The following ADAM18 variants were observed in gnomAD, a reference collection of about 807,000 sequenced individuals.
ADAM18 encodes ADAM metallopeptidase domain 18.
In ADAM18, 117 loss-of-function variants were observed where a neutral mutation model predicts 94.4. That is an observed-to-expected ratio of 1.24 (90% CI 1.07 to 1.45). The LOEUF (loss-of-function observed/expected upper bound fraction) is 1.45, where lower values mean the gene tolerates loss of function less well. ADAM18 is among the 40% of genes most tolerant of loss of function. The pLI, the probability that ADAM18 is intolerant of heterozygous loss-of-function variation, is 0.00. For synonymous variants in ADAM18, 327 were observed against 291.6 expected (o/e 1.12, Z -1.24); for missense variants, 936 against 880.0 (o/e 1.06, Z -0.81).
chr8:39,621,935 T>G (rs528711950), intron 6 of ADAM18, among the ~76,000 whole-genome samples: 11 of 152,172 alleles, frequency 7.2e-5, no homozygotes, highest in African/African-American at 2.6e-4. Context: ...GGGTGGAGGA[T>G]GAGAAGAGGA....
intron 17 of ADAM18, among the ~76,000 whole-genome samples, chr8:39,698,405 T>C (rs943699578): frequency 6.6e-6 from 1 of 152,000 alleles, no homozygotes; most frequent in African/African-American, 2.4e-5. Context: ...ATATAATTTG[T>C]AGTGATAACT....
At chr8:39,638,444 T>C (rs1820146861) in intron 9 of ADAM18, 21 bp from the exon 10 acceptor site, 4 of 1,485,932 alleles carry the variant, frequency 2.7e-6, no homozygotes, top group African/African-American at 1.4e-5. Flanking sequence ...ACTACGTTAA[T>C]AAAAAATTAT....
At chr8:39,618,690 G>A (rs145742405) in intron 6 of ADAM18, among the ~76,000 whole-genome samples, 1,747 of 152,208 alleles carry the variant, frequency 0.011, 40 homozygotes, top group African/African-American at 0.04. Flanking sequence ...CAAGATGAGG[G>A]CATTTATAGC....
chr8:39,694,958 C>G (rs1278705422), intron 17 of ADAM18, among the ~76,000 whole-genome samples: 1 of 151,370 alleles, frequency 6.6e-6, no homozygotes, highest in African/African-American at 2.4e-5. Flanking sequence ...CATATTTAGC[C>G]CTTCATCCTT....
chr8:39,598,906 G>T (rs1279555508), intron 2 of ADAM18, among the ~76,000 whole-genome samples: 7 of 151,846 alleles, frequency 4.6e-5, no homozygotes, highest in Non-Finnish European at 1.5e-5. Context: ...TCACCTCCTG[G>T]GTTCAAGTGA....
At position 39,701,910 on chromosome 8, in the gene ADAM18, C is replaced by T. The variant is rs142878078; in HGVS notation, c.1903-4880C>T. Among the ~76,000 whole-genome samples, 229 of 152,240 alleles carry T rather than the reference C, an allele frequency of 1.5e-3. 6 individuals carry two copies. The East Asian group carries it at 0.042, about 28-fold the overall frequency. On this transcript the variant is annotated intron_variant, in intron 17 of 19. Coordinates refer to ENST00000265707, the MANE Select transcript of ADAM18 (RefSeq NM_014237.3). ...TCCTTGATGGGCATTTAGGTTGATT[C>T]CATGTATTTGCTATTGTGACTAGTG...
chr8:39,621,143 A>G (rs1336487244), intron 6 of ADAM18, among the ~76,000 whole-genome samples: 3 of 152,206 alleles, frequency 2.0e-5, no homozygotes, highest in African/African-American at 7.2e-5. Context: ...TGAAAAGGAC[A>G]TAGACATGGC....
rs138652102 is a variant in ADAM18, at chr8:39,668,081, T to C, written c.1410T>C (p.Asn470=). Residue 470 remains asparagine, a synonymous_variant, in exon 14 of 20, where the codon AAT becomes AAC. Coordinates refer to ENST00000265707, the MANE Select transcript of ADAM18 (RefSeq NM_014237.3). ...FTEYCNGTSS[N]CVPDTYALNG... is the part of the protein sequence containing the mutation. ...AGTACTGCAATGGAACCTCTAGTAA[T>C]TGTGTTCCTGACACTTATGCATTGA... is the stretch of plus-strand genomic sequence containing the variant. 5.2e-5 allele frequency: 84 copies of C among 1,614,010 alleles called. No individual in the cohort carries two copies. The highest frequency in any genetic ancestry group is 1.2e-4 in the Admixed American group (7 of 59,996).
At chr8:39,673,909 C>T (rs549487353) in intron 14 of ADAM18, among the ~76,000 whole-genome samples, 1 of 152,262 alleles carries the variant, frequency 6.6e-6, no homozygotes, top group African/African-American at 2.4e-5. Flanking sequence ...GCAAATTGTT[C>T]AGTTTCCATG....
chr8:39,647,085 A>G (rs1820402162), intron 11 of ADAM18, among the ~76,000 whole-genome samples: 6 of 152,140 alleles, frequency 3.9e-5, no homozygotes, highest in Admixed American at 3.9e-4. Flanking sequence ...AGAGAAAAAC[A>G]GTGGGCCCAG....
At position 39,604,435 on chromosome 8, in the gene ADAM18, G is replaced by A. The variant is rs980872692; in HGVS notation, c.133-1872G>A. On this transcript the variant is annotated intron_variant, in intron 2 of 19. Transcript: ENST00000265707. Reference sequence around the variant, plus strand: ...ATGATACAGTTTTGTATATGTGTTCGCTCCAAATCTCATGTTGAAATGTGG... The same window carrying A: ...ATGATACAGTTTTGTATATGTGTTCACTCCAAATCTCATGTTGAAATGTGG... 7.2e-5 allele frequency among the ~76,000 whole-genome samples: 11 copies of A among 151,868 alleles called. No individual in the cohort carries two copies. The East Asian group carries it at 7.7e-4, about 11-fold the overall frequency.
chr8:39,637,515 GTACAA>G lies in ADAM18; in HGVS notation c.661-17_661-13del, dbSNP rs780150173. 6.4e-7 allele frequency: 1 copy of G among 1,571,190 alleles called. No individual in the cohort carries two copies. Among genetic ancestry groups the G allele is most frequent in the Admixed American group, 1.8e-5 (1 of 54,132 alleles). On this transcript the variant is annotated splice_polypyrimidine_tract_variant and intron_variant, in intron 8 of 19. Transcript: ENST00000265707. Reference sequence around the variant, plus strand: ...TGTAATAACTTGTTTCTTTAAAAATGTACAATACATCTTATTTTTAGATGTTTACC... The same window carrying G: ...TGTAATAACTTGTTTCTTTAAAAATGTACATCTTATTTTTAGATGTTTACC...
chr8:39,703,553 C>T (rs1822148344), intron 17 of ADAM18, among the ~76,000 whole-genome samples: 2 of 151,848 alleles, frequency 1.3e-5, no homozygotes, highest in South Asian at 4.2e-4. Flanking sequence ...CACCTTAGCT[C>T]ATGTCAGTTT....
intron 2 of ADAM18, among the ~76,000 whole-genome samples, chr8:39,602,739 C>T (rs1466939991): frequency 6.6e-6 from 1 of 151,322 alleles, no homozygotes; most frequent in African/African-American, 2.4e-5. Flanking sequence ...AATATTTTTC[C>T]CTGTCTATAG....
chr8:39,706,853 C>T lies in ADAM18; in HGVS notation c.1966C>T (p.Gln656Ter). The T allele has an allele frequency of 6.2e-7, 1 of 1,610,412 alleles. No homozygotes were observed. Among genetic ancestry groups the T allele is most frequent in the Non-Finnish European group, 8.5e-7 (1 of 1,177,554 alleles). The change falls in exon 18 of 20, where the codon CAG becomes TAG. Residue 656 changes from glutamine (Q) to a stop codon, truncating the protein, a stop_gained. Coordinates refer to ENST00000265707, the MANE Select transcript of ADAM18 (RefSeq NM_014237.3). LOFTEE classifies it high-confidence loss of function. Reference sequence around the variant, plus strand: ...ACATAGACCTCCAGATTGTAAATTCCAGTTTGGTTCCCCAGGGGGTAGTAT... The same window carrying T: ...ACATAGACCTCCAGATTGTAAATTCTAGTTTGGTTCCCCAGGGGGTAGTAT... ...PGHRPPDCKF[Q>*]FGSPGGSIDD... is the part of the protein sequence containing the mutation.
At chr8:39,654,838 T>G (rs746860109) in intron 12 of ADAM18, among the ~76,000 whole-genome samples, 8 of 152,204 alleles carry the variant, frequency 5.3e-5, no homozygotes, top group Non-Finnish European at 1.2e-4. Context: ...TTTGAATGTC[T>G]TATTTTGAGA....
chr8:39,700,504 G>A (rs78913160), intron 17 of ADAM18, among the ~76,000 whole-genome samples: 3,089 of 152,124 alleles, frequency 0.02, 104 homozygotes, highest in African/African-American at 0.071. Flanking sequence ...TAGTAAATAT[G>A]TGTCCTAATA....
At chr8:39,722,589 C>T (rs536378518) in intron 18 of ADAM18, among the ~76,000 whole-genome samples, 19 of 151,308 alleles carry the variant, frequency 1.3e-4, no homozygotes, top group African/African-American at 2.2e-4. Context: ...TACACTATTC[C>T]GATGATAGGT....
intron 5 of ADAM18, among the ~76,000 whole-genome samples, chr8:39,610,274 T>G (rs1819228291): frequency 1.3e-5 from 2 of 152,084 alleles, no homozygotes; most frequent in Middle Eastern, 3.2e-3. Context: ...AATTTGGCCT[T>G]AATTAATGTG....
Sources: gnomAD v4.1 joint callset for allele counts (sites outside exome capture counted in the v4.1 genomes callset) on GRCh38, gnomAD v4.1.1 for gene constraint, MANE v1.5 for transcripts, NCBI Gene and HGNC (gene_info 2026-07-23, HGNC 2026-07-21) for gene names.